Variants in ST6GALNAC3 observed in about 807,000 individuals in gnomAD.
ST6GALNAC3 encodes the protein alpha-N-acetylgalactosaminide alpha-2,6-sialyltransferase 3.
In ST6GALNAC3, 25 loss-of-function variants were observed where a neutral mutation model predicts 32.7. The ratio of observed to expected loss-of-function variants is 0.76; its 90% confidence interval spans 0.56 to 1.07. ST6GALNAC3 has a LOEUF of 1.07. Among genes scored for constraint, ST6GALNAC3 ranks in the 50% least tolerant of loss-of-function variants. ST6GALNAC3 has a pLI of 0.00. For missense variants in ST6GALNAC3, 355 were observed against 382.4 expected (o/e 0.93, Z 0.60); for synonymous variants, 129 against 133.1 (o/e 0.97, Z 0.21).
chr1:76,497,367 AAG>A (rs1660917810), intron 3 of ST6GALNAC3, among the ~76,000 whole-genome samples: 1 of 152,190 alleles, frequency 6.6e-6, no homozygotes, highest in South Asian at 2.1e-4. Context: ...AGAGAATTAA[AAG>A]AGAGCTCTGG....
At chr1:76,572,752 A>C (rs924412415) in intron 3 of ST6GALNAC3, among the ~76,000 whole-genome samples, 4 of 152,164 alleles carry the variant, frequency 2.6e-5, no homozygotes, top group African/African-American at 9.7e-5. Context: ...GTTCTCAAGA[A>C]GGCCCAAATT....
intron 1 of ST6GALNAC3, among the ~76,000 whole-genome samples, chr1:76,155,802 CTGT>C (rs1215822684): frequency 6.6e-6 from 1 of 152,090 alleles, no homozygotes; most frequent in Non-Finnish European, 1.5e-5. Context: ...ATAGTTTCTC[CTGT>C]TGTTGTTGTT....
intron 1 of ST6GALNAC3, among the ~76,000 whole-genome samples, chr1:76,294,740 C>T (rs569068613): frequency 2.0e-5 from 3 of 152,082 alleles, no homozygotes; most frequent in East Asian, 3.9e-4. Flanking sequence ...ACCCACTTAA[C>T]GGAAGCAGAG....
At chr1:76,610,674 T>G (rs1242535244) in intron 3 of ST6GALNAC3, among the ~76,000 whole-genome samples, 2 of 152,120 alleles carry the variant, frequency 1.3e-5, no homozygotes, top group African/African-American at 2.4e-5. Flanking sequence ...TGTTGGACAT[T>G]TACAGTCTGT....
At position 76,628,795 on chromosome 1, in the gene ST6GALNAC3, A is replaced by G. The variant is rs1649141764; in HGVS notation, c.907A>G (p.Thr303Ala). 1 of 1,610,938 alleles carries G rather than the reference A, an allele frequency of 6.2e-7. No homozygotes were observed. Among genetic ancestry groups the G allele is most frequent in the Non-Finnish European group, 8.5e-7 (1 of 1,178,446 alleles). Residue 303 changes from threonine to alanine, a missense_variant, in exon 5 of 5, where the codon ACA (threonine) becomes GCA (alanine). By Grantham distance (58) the Thr-to-Ala change is moderately conservative. Coordinates refer to ENST00000328299, the MANE Select transcript of ST6GALNAC3 (RefSeq NM_152996.4). ...HRIIFTHPNW[T>A]LS is the part of the protein sequence containing the mutation. ...GATAATATTTACACATCCAAACTGG[A>G]CATTGTCTTGATAATGGTTTTCCTG...
chr1:76,338,264 A>G (rs968188796), intron 2 of ST6GALNAC3, among the ~76,000 whole-genome samples: 24 of 152,062 alleles, frequency 1.6e-4, no homozygotes, highest in African/African-American at 5.6e-4. Flanking sequence ...AGTAATGGAG[A>G]CTTGAAATTA....
chr1:76,461,686 G>A (rs2101597658), intron 3 of ST6GALNAC3, among the ~76,000 whole-genome samples: 1 of 152,240 alleles, frequency 6.6e-6, no homozygotes, highest in South Asian at 2.1e-4. Context: ...GGGAGGGGAA[G>A]CATAATGATA....
intron 1 of ST6GALNAC3, among the ~76,000 whole-genome samples, chr1:76,180,100 G>T (rs755917852): frequency 2.0e-5 from 3 of 152,066 alleles, no homozygotes; most frequent in Non-Finnish European, 2.9e-5. Flanking sequence ...CTCTTTGGGG[G>T]CAGGGCCCAC....
chr1:76,507,655 C>G (rs942901527), intron 3 of ST6GALNAC3, among the ~76,000 whole-genome samples: 2 of 152,216 alleles, frequency 1.3e-5, no homozygotes, highest in East Asian at 1.9e-4. Context: ...GGAAATACCA[C>G]AGTTCATTTA....
At chr1:76,202,719 G>A (rs532448841) in intron 1 of ST6GALNAC3, among the ~76,000 whole-genome samples, 1 of 152,242 alleles carries the variant, frequency 6.6e-6, no homozygotes, top group South Asian at 2.1e-4. Flanking sequence ...TTTTTTGTCA[G>A]TGAAAAATCT....
At chr1:76,447,321 A>C (rs890802781) in intron 3 of ST6GALNAC3, among the ~76,000 whole-genome samples, 1 of 152,226 alleles carries the variant, frequency 6.6e-6, no homozygotes, top group Non-Finnish European at 1.5e-5. Flanking sequence ...ATTTCTAAGC[A>C]GCAAAGCATT....
intron 1 of ST6GALNAC3, among the ~76,000 whole-genome samples, chr1:76,121,874 C>G (rs1648901577): frequency 6.6e-6 from 1 of 152,200 alleles, no homozygotes; most frequent in Non-Finnish European, 1.5e-5. Context: ...GAGCTCCTCT[C>G]TTCCACTCTC....
chr1:76,506,711 T>C (rs1171433134), intron 3 of ST6GALNAC3, among the ~76,000 whole-genome samples: 1 of 152,134 alleles, frequency 6.6e-6, no homozygotes, highest in Non-Finnish European at 1.5e-5. Flanking sequence ...GCAGGTGCCT[T>C]GGCTAGTGAA....
At chr1:76,269,932 G>A (rs992644717) in intron 1 of ST6GALNAC3, among the ~76,000 whole-genome samples, 1 of 152,058 alleles carries the variant, frequency 6.6e-6, no homozygotes, top group African/African-American at 2.4e-5. Context: ...GGGAGGCAGA[G>A]GTCCTCTTTT....
At chr1:76,136,764 T>A (rs1317174254) in intron 1 of ST6GALNAC3, among the ~76,000 whole-genome samples, 2 of 152,202 alleles carry the variant, frequency 1.3e-5, no homozygotes, top group East Asian at 3.8e-4. Context: ...GGAAGTAATT[T>A]CTCTTTTATT....
At chr1:76,318,812 T>A (rs567718533) in intron 2 of ST6GALNAC3, among the ~76,000 whole-genome samples, 1 of 152,180 alleles carries the variant, frequency 6.6e-6, no homozygotes, top group Admixed American at 6.6e-5. Context: ...TTTAAATTAT[T>A]AATTATAGCA....
At chr1:76,442,721 C>T (rs896264826) in intron 3 of ST6GALNAC3, among the ~76,000 whole-genome samples, 1 of 152,194 alleles carries the variant, frequency 6.6e-6, no homozygotes, top group Non-Finnish European at 1.5e-5. Context: ...AGGTACCTGG[C>T]TTAGTGGGCA....
intron 1 of ST6GALNAC3, among the ~76,000 whole-genome samples, chr1:76,251,081 A>G (rs1657582224): frequency 6.6e-6 from 1 of 151,910 alleles, no homozygotes; most frequent in African/African-American, 2.4e-5. Context: ...TGAAAGTCAA[A>G]CTTCTCCTAC....
intron 1 of ST6GALNAC3, among the ~76,000 whole-genome samples, chr1:76,234,401 G>A (rs1656533801): frequency 6.6e-6 from 1 of 152,210 alleles, no homozygotes. Context: ...CCCATTCAGA[G>A]ACATTTCTCA....
Sources: gnomAD v4.1 joint callset for allele counts (sites outside exome capture counted in the v4.1 genomes callset) on GRCh38, gnomAD v4.1.1 for gene constraint, MANE v1.5 for transcripts, NCBI Gene and HGNC (gene_info 2026-07-23, HGNC 2026-07-21) for gene names.